The following STXBP6 variants were observed in gnomAD, a reference collection of about 807,000 sequenced individuals.
The protein encoded by STXBP6 is syntaxin binding protein 6.
Under a neutral mutation model 26.9 loss-of-function variants are expected in STXBP6, and 21 were observed. The ratio of observed to expected loss-of-function variants is 0.78; its 90% CI spans 0.55 to 1.12. The LOEUF is 1.12. Among genes scored for constraint, STXBP6 ranks in the 50% most tolerant of loss-of-function variants. The pLI is 0.00. For synonymous variants in STXBP6, 97 were observed against 92.6 expected (o/e 1.05, Z -0.27); for missense variants, 232 against 257.9 (o/e 0.90, Z 0.69).
chr14:24,982,494 C>T (rs978719808), intron 1 of STXBP6, among the ~76,000 whole-genome samples: 2 of 152,212 alleles, frequency 1.3e-5, no homozygotes, highest in African/African-American at 4.8e-5. Context: ...AATGTAAAAA[C>T]AACACAACCG....
intron 1 of STXBP6, among the ~76,000 whole-genome samples, chr14:25,017,370 T>C (rs1487307008): frequency 6.6e-6 from 1 of 152,176 alleles, no homozygotes; most frequent in African/African-American, 2.4e-5. Flanking sequence ...GGACTAGATT[T>C]CCTATGGAAA....
intron 2 of STXBP6, among the ~76,000 whole-genome samples, chr14:24,944,428 C>A (rs913348490): frequency 6.6e-6 from 1 of 152,216 alleles, no homozygotes; most frequent in Non-Finnish European, 1.5e-5. Context: ...CCCCATCAGA[C>A]ACACAGAGCC....
At chr14:24,824,810 G>C (rs550610910) in intron 4 of STXBP6, among the ~76,000 whole-genome samples, 7 of 152,290 alleles carry the variant, frequency 4.6e-5, no homozygotes, top group Middle Eastern at 3.4e-3. Context: ...TACCATACTA[G>C]GTGGCAGGTA....
chr14:24,951,796 T>C (rs2140061927), intron 2 of STXBP6, among the ~76,000 whole-genome samples: 1 of 152,242 alleles, frequency 6.6e-6, no homozygotes, highest in East Asian at 1.9e-4. Flanking sequence ...AGTTCTTTGC[T>C]GTATTTTCAC....
chr14:24,810,425 T>C lies in STXBP6; in HGVS notation c.*2284A>G, dbSNP rs2067786257. On this transcript the variant is annotated 3_prime_UTR_variant, in exon 6 of 6. Transcript: ENST00000323944. The stretch of plus-strand genomic sequence containing the variant: ...CAGGGATTGCTGTTACGGCCCTCTC[T>C]GTTGTGGGGAGGCCTAGGTAGGACT... 1 of 152,196 alleles carries C rather than the reference T, an allele frequency of 6.6e-6. No homozygotes were observed. The highest frequency in any genetic ancestry group is 2.4e-5 in the African/African-American group (1 of 41,440). 9.4% of individuals were successfully genotyped at this position (152,196 alleles called of 1,614,324 possible).
At chr14:24,958,795 A>G (rs1001573826) in intron 2 of STXBP6, among the ~76,000 whole-genome samples, 6 of 152,164 alleles carry the variant, frequency 3.9e-5, no homozygotes, top group Non-Finnish European at 7.3e-5. Flanking sequence ...AATTAAATGA[A>G]ATCAATGTCC....
chr14:25,011,958 A>G lies in STXBP6; in HGVS notation c.-32-37108T>C, dbSNP rs185263826. ...TTGAATTTCCTACTGTGACCAGAAA[A>G]GCAACATATTCGGAGTACTGGCTGT... On this transcript the variant is annotated intron_variant, in intron 1 of 5. Coordinates refer to ENST00000323944, the MANE Select transcript of STXBP6 (RefSeq NM_001394410.1). 1.3e-4 allele frequency among the ~76,000 whole-genome samples: 20 copies of G among 152,324 alleles called. No individual in the cohort carries two copies. In the East Asian group the frequency reaches 3.3e-3, roughly 25 times the overall value.
chr14:24,937,724 A>C (rs1317425153), intron 2 of STXBP6, among the ~76,000 whole-genome samples: 1 of 152,238 alleles, frequency 6.6e-6, no homozygotes. Context: ...ATGAATAAAG[A>C]AATGTAAGCA....
intron 2 of STXBP6, among the ~76,000 whole-genome samples, chr14:24,872,687 G>A (rs1310591374): frequency 6.6e-6 from 1 of 152,170 alleles, no homozygotes; most frequent in Non-Finnish European, 1.5e-5. Context: ...TCCACCCAGT[G>A]GTAGTGCAAT....
chr14:24,999,473 A>C (rs935503034), intron 1 of STXBP6, among the ~76,000 whole-genome samples: 3 of 152,220 alleles, frequency 2.0e-5, no homozygotes, highest in African/African-American at 7.2e-5. Context: ...CTAGGATATA[A>C]AAAAAGATAG....
chr14:24,871,344 G>A (rs1238296946), intron 2 of STXBP6, among the ~76,000 whole-genome samples: 1 of 152,132 alleles, frequency 6.6e-6, no homozygotes, highest in Non-Finnish European at 1.5e-5. Context: ...ATTAATATTG[G>A]GTGATAGGTT....
intron 2 of STXBP6, among the ~76,000 whole-genome samples, chr14:24,930,022 A>T (rs771666018): frequency 2.0e-5 from 3 of 152,264 alleles, no homozygotes; most frequent in Non-Finnish European, 4.4e-5. Context: ...CAGGCACTTT[A>T]ACTGACAAAT....
chr14:25,025,868 C>G (rs1320058406), intron 1 of STXBP6, among the ~76,000 whole-genome samples: 1 of 152,144 alleles, frequency 6.6e-6, no homozygotes, highest in African/African-American at 2.4e-5. Context: ...ATTCCTTACT[C>G]CCAAAGGATA....
At chr14:24,928,089 GAAT>G (rs899224471) in intron 2 of STXBP6, among the ~76,000 whole-genome samples, 7 of 152,114 alleles carry the variant, frequency 4.6e-5, no homozygotes, top group African/African-American at 1.2e-4. Flanking sequence ...TCGGAATTTA[GAAT>G]AATAAATCCC....
At chr14:24,959,260 C>G (rs902342687) in intron 2 of STXBP6, among the ~76,000 whole-genome samples, 2 of 152,100 alleles carry the variant, frequency 1.3e-5, no homozygotes, top group Non-Finnish European at 2.9e-5. Context: ...TTTTAATAGT[C>G]TTGGTAAGGG....
At chr14:24,853,694 C>T (rs1409664753) in intron 4 of STXBP6, among the ~76,000 whole-genome samples, 4 of 152,058 alleles carry the variant, frequency 2.6e-5, no homozygotes, top group African/African-American at 7.2e-5. Context: ...GCAATTCTGG[C>T]ATTTGGTTTT....
intron 2 of STXBP6, among the ~76,000 whole-genome samples, chr14:24,858,876 T>C: frequency 6.6e-6 from 1 of 152,178 alleles, no homozygotes; most frequent in East Asian, 1.9e-4. Context: ...GTTCCTGTAT[T>C]AGACACACAC....
chr14:24,993,107 A>T (rs1051685790), intron 1 of STXBP6, among the ~76,000 whole-genome samples: 2 of 152,172 alleles, frequency 1.3e-5, no homozygotes, highest in African/African-American at 4.8e-5. Context: ...TGGTGATCTC[A>T]GTCATTTCTA....
chr14:25,005,299 A>G (rs1289689318), intron 1 of STXBP6, among the ~76,000 whole-genome samples: 2 of 152,230 alleles, frequency 1.3e-5, no homozygotes, highest in East Asian at 1.9e-4. Flanking sequence ...TTGCATGGGT[A>G]TAACAATTAT....
Sources: gnomAD v4.1 joint callset for allele counts (sites outside exome capture counted in the v4.1 genomes callset) on GRCh38, gnomAD v4.1.1 for gene constraint, MANE v1.5 for transcripts, NCBI Gene and HGNC (gene_info 2026-07-23, HGNC 2026-07-21) for gene names.